The following PUDP variants were observed in gnomAD, a reference collection of about 807,000 sequenced individuals.
PUDP encodes pseudouridine 5'-phosphatase.
Under a neutral mutation model 9.4 loss-of-function variants are expected in PUDP, and 8 were observed. The ratio of observed to expected loss-of-function variants is 0.85; its 90% CI spans 0.50 to 1.53. PUDP has a LOEUF of 1.53. Ranked by LOEUF, PUDP falls within the 40% of genes most tolerant of loss-of-function variation. The pLI is 0.00. For synonymous variants in PUDP, 99 were observed against 80.7 expected, an observed-to-expected ratio of 1.23 and a Z score of -1.22; for missense variants, 188 against 189.7, an observed-to-expected ratio of 0.99 and a Z score of 0.05.
At chrX:6,784,054 A>G (rs1427300709) in intron 3 of PUDP, among the ~76,000 whole-genome samples, 1 of 111,616 alleles carries the variant, frequency 9.0e-6, no homozygotes, top group Non-Finnish European at 1.9e-5. Flanking sequence ...CTCCTGATTT[A>G]AATGCTAATC....
intron 2 of PUDP, among the ~76,000 whole-genome samples, chrX:7,103,299 A>C (rs959527380): frequency 1.5e-4 from 17 of 112,123 alleles, no homozygotes; most frequent in African/African-American, 5.2e-4. Context: ...AAGACTACTC[A>C]ATGGGGAAAA....
chrX:6,749,926 G>T (rs1925046316), intron 3 of PUDP, among the ~76,000 whole-genome samples: 1 of 112,016 alleles, frequency 8.9e-6, no homozygotes, highest in South Asian at 3.8e-4. Context: ...TTTGCCTGAA[G>T]GCATGAGATT....
At chrX:7,076,179 A>T (rs1200972602) in intron 3 of PUDP, among the ~76,000 whole-genome samples, 1 of 111,971 alleles carries the variant, frequency 8.9e-6, no homozygotes, top group African/African-American at 3.2e-5. Context: ...GTCTTTCAAG[A>T]CTACTCCGGT....
intron 3 of PUDP, among the ~76,000 whole-genome samples, chrX:6,881,977 C>CT (rs34092299): frequency 0.099 from 9,391 of 94,879 alleles, 667 homozygotes; most frequent in East Asian, 0.42. Flanking sequence ...TTTTTTTTTA[C>CT]TTTTTTTTTT....
At chrX:7,131,169 G>C (rs1425056534) in intron 1 of PUDP, among the ~76,000 whole-genome samples, 6 of 111,489 alleles carry the variant, frequency 5.4e-5, no homozygotes, top group African/African-American at 1.6e-4. Flanking sequence ...TTCGACTTCA[G>C]GACAAGTCAC....
chrX:6,953,762 C>A (rs780750230), intron 3 of PUDP, among the ~76,000 whole-genome samples: 1 of 111,441 alleles, frequency 9.0e-6, no homozygotes, highest in African/African-American at 3.3e-5. Context: ...TGTCACTTAT[C>A]CTCCAAGCCT....
intron 3 of PUDP, among the ~76,000 whole-genome samples, chrX:7,051,654 A>G (rs1463091158): frequency 8.9e-6 from 1 of 112,569 alleles, no homozygotes; most frequent in African/African-American, 3.2e-5. Context: ...ACAATGTTAC[A>G]GTAAGTTTCA....
At chrX:7,064,921 T>A (rs1930506175) in intron 3 of PUDP, among the ~76,000 whole-genome samples, 1 of 111,963 alleles carries the variant, frequency 8.9e-6, no homozygotes, top group South Asian at 3.7e-4. Context: ...GGCTTCAATT[T>A]CCACATAGCA....
At chrX:6,938,786 C>CTTTTTTTTTTTTTTTTTTTTTT (rs764265665) in intron 3 of PUDP, among the ~76,000 whole-genome samples, 1 of 83,437 alleles carries the variant, frequency 1.2e-5, no homozygotes, top group African/African-American at 4.4e-5. Flanking sequence ...TTCTTTCTTT[C>CTTTTTTTTTTTTTTTTTTTTTT]TTTTTTTTTT....
At chrX:6,862,359 T>C (rs1488110632) in intron 3 of PUDP, among the ~76,000 whole-genome samples, 1 of 112,306 alleles carries the variant, frequency 8.9e-6, no homozygotes, top group African/African-American at 3.2e-5. Flanking sequence ...CATGAGTTGA[T>C]GAATACCACC....
intron 1 of PUDP, among the ~76,000 whole-genome samples, chrX:7,142,320 TG>T (rs1197330067): frequency 8.9e-6 from 1 of 112,238 alleles, no homozygotes; most frequent in Non-Finnish European, 1.9e-5. Context: ...TGTAAGGAGT[TG>T]ATTCCAATCC....
chrX:6,726,899 T>G (rs939314919), intron 3 of PUDP, among the ~76,000 whole-genome samples: 1 of 111,842 alleles, frequency 8.9e-6, no homozygotes, highest in Non-Finnish European at 1.9e-5. Context: ...CAATTTACTA[T>G]GAAAGGCAGT....
At chrX:6,855,226 T>C (rs1315586353) in intron 3 of PUDP, among the ~76,000 whole-genome samples, 1 of 111,883 alleles carries the variant, frequency 8.9e-6, no homozygotes, top group East Asian at 2.8e-4. Context: ...TTTATGACTT[T>C]CTTAATAACA....
At chrX:6,761,604 A>G (rs1405478117) in intron 3 of PUDP, among the ~76,000 whole-genome samples, 2 of 112,088 alleles carry the variant, frequency 1.8e-5, no homozygotes, top group Non-Finnish European at 3.8e-5. Flanking sequence ...ACACTCAGTG[A>G]AGAGCAGCCA....
intron 1 of PUDP, among the ~76,000 whole-genome samples, chrX:7,124,807 G>GCCCA (rs1476597391): frequency 9.1e-6 from 1 of 109,534 alleles, no homozygotes; most frequent in Admixed American, 9.8e-5. Flanking sequence ...AATTAGCCAG[G>GCCCA]CGTGGTGGCG....
At chrX:7,073,548 G>A (rs920689310) in intron 3 of PUDP, among the ~76,000 whole-genome samples, 4 of 112,684 alleles carry the variant, frequency 3.5e-5, no homozygotes, top group African/African-American at 6.4e-5. Context: ...CCCACACTGC[G>A]GGCAAGAAGC....
At chrX:6,805,415 G>A (rs1251858129) in intron 3 of PUDP, among the ~76,000 whole-genome samples, 1 of 111,759 alleles carries the variant, frequency 8.9e-6, no homozygotes, top group Admixed American at 9.5e-5. Context: ...TAAGGGCAGA[G>A]AGACCCACAT....
At chrX:7,057,865 G>C in intron 3 of PUDP, 1 of 981,629 alleles carries the variant, frequency 1.0e-6, no homozygotes, top group Non-Finnish European at 1.4e-6. Context: ...GTAGGAGGCA[G>C]TGTCAGGAGC....
At chrX:7,112,161 C>T (rs1932069606) in intron 1 of PUDP, among the ~76,000 whole-genome samples, 1 of 111,546 alleles carries the variant, frequency 9.0e-6, no homozygotes, top group Admixed American at 9.5e-5. Flanking sequence ...TCTGAAAACA[C>T]TGCAAAATCT....
Sources: allele counts gnomAD v4.1 joint callset (sites outside exome capture counted in the v4.1 genomes callset), GRCh38; gene constraint gnomAD v4.1.1; transcripts MANE v1.5; gene names NCBI Gene and HGNC (gene_info 2026-07-23, HGNC 2026-07-21).